TBC1D32: variants seen among roughly 807,000 people sequenced by gnomAD.
TBC1D32 encodes protein broad-minded.
Under a neutral mutation model 170.3 loss-of-function variants are expected in TBC1D32, and 151 were observed. The observed-to-expected ratio is 0.89, with a 90% CI of 0.78 to 1.01. TBC1D32 has a LOEUF of 1.01. TBC1D32 is among the 50% of genes least tolerant of loss of function. The pLI, the probability that TBC1D32 is intolerant of heterozygous loss-of-function variation, is 0.00. For missense variants in TBC1D32, 1,464 were observed against 1,457.1 expected (o/e 1.00, Z -0.08); for synonymous variants, 498 against 488.0 (o/e 1.02, Z -0.27).
intron 15 of TBC1D32, among the ~76,000 whole-genome samples, chr6:121,265,393 G>C (rs1257288628): frequency 6.6e-6 from 1 of 152,054 alleles, no homozygotes; most frequent in Non-Finnish European, 1.5e-5. Flanking sequence ...ATAAGCCACT[G>C]CTCAAGGCAA....
At chr6:121,208,114 A>C (rs972812670) in intron 21 of TBC1D32, among the ~76,000 whole-genome samples, 1 of 152,020 alleles carries the variant, frequency 6.6e-6, no homozygotes, top group Non-Finnish European at 1.5e-5. Context: ...ACACCAAAAA[A>C]AAAAAAAGAT....
Position 121,334,382 on chromosome 6 carries a change from T to G in TBC1D32, c.49A>C (p.Arg17=), listed in dbSNP as rs536397792. The change falls in exon 1 of 32, where the codon AGG becomes CGG. Residue 17 remains arginine, a synonymous_variant. Transcript: ENST00000398212. The part of the protein sequence containing the change: ...EDQAMLQAML[R]RLFQSVKEKI... ...TCCTTCACGCTCTGGAACAACCGCC[T>G]CAGCATCGCCTGCAGCATCGCCTGG... The G allele has an allele frequency of 6.2e-7, 1 of 1,614,216 alleles. No homozygotes were observed. Among genetic ancestry groups the G allele is most frequent in the South Asian group, 1.1e-5 (1 of 91,084 alleles).
intron 26 of TBC1D32, among the ~76,000 whole-genome samples, chr6:121,123,868 G>T (rs1260862008): frequency 4.0e-5 from 6 of 148,444 alleles, no homozygotes; most frequent in Non-Finnish European, 3.0e-5. Context: ...ATCTATTATA[G>T]GTTTTTTTTT....
intron 30 of TBC1D32, among the ~76,000 whole-genome samples, chr6:121,098,192 GAATAAT>G (rs150038060): frequency 0.076 from 11,382 of 148,828 alleles, 838 homozygotes; most frequent in African/African-American, 0.2. Flanking sequence ...ACTTAAAGTA[GAATAAT>G]AATAATAATA....
intron 20 of TBC1D32, among the ~76,000 whole-genome samples, chr6:121,236,455 G>A (rs962394888): frequency 2.6e-5 from 4 of 152,046 alleles, no homozygotes; most frequent in East Asian, 1.9e-4. Flanking sequence ...AAGGTATCTA[G>A]TTATATATCG....
At chr6:121,086,870 T>C (rs2128171720) in intron 31 of TBC1D32, among the ~76,000 whole-genome samples, 1 of 152,322 alleles carries the variant, frequency 6.6e-6, no homozygotes, top group Admixed American at 6.5e-5. Flanking sequence ...TGTGTGTGTA[T>C]GCGCGCTACA....
At chr6:121,237,487 T>C (rs1206389030) in intron 20 of TBC1D32, among the ~76,000 whole-genome samples, 2 of 151,952 alleles carry the variant, frequency 1.3e-5, no homozygotes, top group African/African-American at 4.8e-5. Flanking sequence ...AATGTATTTC[T>C]GATATTCCAA....
chr6:121,285,755 C>T (rs1422467988), intron 12 of TBC1D32, among the ~76,000 whole-genome samples: 1 of 152,166 alleles, frequency 6.6e-6, no homozygotes, highest in East Asian at 1.9e-4. Flanking sequence ...GGCAGACTGA[C>T]ACCTCACACG....
chr6:121,081,345 T>C (rs1775626955), intron 31 of TBC1D32, among the ~76,000 whole-genome samples: 1 of 152,168 alleles, frequency 6.6e-6, no homozygotes, highest in African/African-American at 2.4e-5. Flanking sequence ...TGCACATCTA[T>C]ACTAATTTGG....
At chr6:121,320,411 T>C (rs1346284191) in intron 2 of TBC1D32, among the ~76,000 whole-genome samples, 1 of 152,080 alleles carries the variant, frequency 6.6e-6, no homozygotes, top group Non-Finnish European at 1.5e-5. Flanking sequence ...AAAAAGTAAT[T>C]TCCTAGCAGT....
Position 121,256,152 on chromosome 6 carries a change from T to C in TBC1D32, c.1867A>G (p.Thr623Ala). Residue 623 changes from threonine (T) to alanine (A), a missense_variant, in exon 16 of 32, where the codon ACA becomes GCA. Around this residue, in one of 3 missense-constraint regions of TBC1D32, gnomAD observed 1,363 missense variants for 1,338.1 expected, o/e 1.02. Transcript: ENST00000398212. Reference protein sequence around the residue: ...FISVCRHIYSTCEGLQVLITY... With the variant: ...FISVCRHIYSACEGLQVLITY... ...ATTAACACCTGCAAACCTTCACATGTACTATATATGTGACGACACACAGAA... is the reference window on the plus strand; with the variant it reads ...ATTAACACCTGCAAACCTTCACATGCACTATATATGTGACGACACACAGAA... The C allele has an allele frequency of 6.2e-7, 1 of 1,614,046 alleles. No individual in the cohort carries two copies. The highest frequency in any genetic ancestry group is 8.5e-7 in the Non-Finnish European group (1 of 1,179,960).
intron 31 of TBC1D32, among the ~76,000 whole-genome samples, chr6:121,083,040 A>C (rs1414324341): frequency 1.3e-5 from 2 of 151,934 alleles, no homozygotes; most frequent in East Asian, 3.9e-4. Context: ...TCTTATCCTA[A>C]ATGTTCTCTA....
chr6:121,286,652 C>T (rs578254755), intron 12 of TBC1D32, among the ~76,000 whole-genome samples: 12 of 152,190 alleles, frequency 7.9e-5, no homozygotes, highest in East Asian at 7.7e-4. Context: ...ATACAGAGAA[C>T]GCCACAAAGA....
rs187658566 is a variant in TBC1D32 at position 121,304,326 on chromosome 6, G to A, written c.935+39C>T. The A allele has an allele frequency of 4.5e-5, 71 of 1,593,606 alleles. No homozygotes were observed. In the East Asian group the frequency reaches 9.6e-4, roughly 22 times the overall value. ...GAAACGTATATGGGGCAGTAACACC[G>A]CTAGGTTTTATGCTGGCATACATTG... is the stretch of plus-strand genomic sequence containing the variant. On this transcript the variant is annotated intron_variant, in intron 8 of 31. Transcript: ENST00000398212.
intron 24 of TBC1D32, among the ~76,000 whole-genome samples, chr6:121,141,788 G>A (rs973581537): frequency 6.6e-6 from 1 of 151,898 alleles, no homozygotes; most frequent in African/African-American, 2.4e-5. Flanking sequence ...CAGGGTGGTG[G>A]GAAAAGTTGT....
intron 22 of TBC1D32, among the ~76,000 whole-genome samples, chr6:121,182,036 A>G (rs971691357): frequency 2.6e-5 from 4 of 152,110 alleles, no homozygotes; most frequent in Non-Finnish European, 4.4e-5. Context: ...GTGTACCACT[A>G]TGACATATAA....
At chr6:121,146,904 T>C (rs1783521095) in intron 24 of TBC1D32, among the ~76,000 whole-genome samples, 1 of 152,148 alleles carries the variant, frequency 6.6e-6, no homozygotes. Context: ...GGGATACAGA[T>C]GGTCCTGTCA....
chr6:121,269,272 T>C (rs904657263), intron 15 of TBC1D32, among the ~76,000 whole-genome samples: 1 of 152,060 alleles, frequency 6.6e-6, no homozygotes, highest in African/African-American at 2.4e-5. Context: ...ATATTAACCT[T>C]AAATGAAAAT....
intron 21 of TBC1D32, among the ~76,000 whole-genome samples, chr6:121,205,491 C>T (rs1583209230): frequency 1.3e-5 from 2 of 152,116 alleles, no homozygotes; most frequent in African/African-American, 4.8e-5. Context: ...CACCTTATAC[C>T]ATCAGTTAAA....
Sources: gnomAD v4.1 joint callset for allele counts (sites outside exome capture counted in the v4.1 genomes callset) on GRCh38, gnomAD v4.1.1 for gene constraint, gnomAD v4.1.1 regional missense constraint, MANE v1.5 for transcripts, NCBI Gene and HGNC (gene_info 2026-07-23, HGNC 2026-07-21) for gene names.